The following CGGBP1 variants were observed in gnomAD, a reference collection of about 807,000 sequenced individuals.
CGGBP1 encodes CGG triplet repeat binding protein 1.
CGGBP1 carries 4 observed loss-of-function variants against 11.4 expected under a neutral mutation model. That is an observed-to-expected ratio of 0.35 (90% CI 0.17 to 0.80). The LOEUF (loss-of-function observed/expected upper bound fraction) is 0.80. Ranked by LOEUF, CGGBP1 falls within the 30% of genes least tolerant of loss-of-function variation. The probability of loss-of-function intolerance (pLI) is 0.52; values close to 1 mark genes in which losing one functional copy is unlikely to be tolerated. For synonymous variants in CGGBP1, 76 were observed against 74.1 expected, an observed-to-expected ratio of 1.03 and a Z score of -0.13; for missense variants, 135 against 202.1, an observed-to-expected ratio of 0.67 and a Z score of 2.01.
chr3:88,072,096 G>A (rs1263055122), intron 2 of CGGBP1, among the ~76,000 whole-genome samples: 1 of 152,062 alleles, frequency 6.6e-6, no homozygotes, highest in African/African-American at 2.4e-5. Context: ...AAAATAATAG[G>A]TACTGTGTGA....
chr3:88,091,239 C>T (rs1056220709), intron 2 of CGGBP1, among the ~76,000 whole-genome samples: 1 of 152,162 alleles, frequency 6.6e-6, no homozygotes, highest in African/African-American at 2.4e-5. Context: ...ATCAGAACCA[C>T]AGAAGTGTTG....
chr3:88,133,864 T>G (rs1706609291), intron 2 of CGGBP1, among the ~76,000 whole-genome samples: 1 of 152,118 alleles, frequency 6.6e-6, no homozygotes, highest in Non-Finnish European at 1.5e-5. Flanking sequence ...ACTTGAAATG[T>G]AAAGACACTG....
Position 88,052,189 on chromosome 3 carries a change from T to C in CGGBP1, c.*3284A>G, listed in dbSNP as rs144720743. 9.6e-3 allele frequency: 1,460 copies of C among 152,670 alleles called. 9 individuals carry two copies. Among genetic ancestry groups the C allele is most frequent in the Middle Eastern group, 0.017 (5 of 294 alleles). The allele number at this position is 152,670 out of a possible 1,614,324, so 9.5% of individuals were successfully genotyped here. A position where few individuals can be genotyped will look rare whatever the true frequency, so the allele number is the denominator to read the frequency against. On this transcript the variant is annotated 3_prime_UTR_variant, in exon 4 of 4. Coordinates refer to ENST00000482016, the MANE Select transcript of CGGBP1 (RefSeq NM_001008390.2). ...CAAGTAGAATACCACTAGATAAGAA[T>C]TGTATTTACCTAAGAAATCTATGAT...
chr3:88,116,291 C>T (rs1484964684), intron 2 of CGGBP1, among the ~76,000 whole-genome samples: 3 of 152,090 alleles, frequency 2.0e-5, no homozygotes, highest in African/African-American at 7.2e-5. Context: ...GAGGCCGAGG[C>T]GGGCAGATCA....
rs67079285 is a variant in CGGBP1 at position 88,070,563 on chromosome 3, GTTTTTTTTTTTT to G, written c.-228-12352_-228-12341del. Reference sequence around the variant, plus strand: ...CACTGTGGCAAAGGCAACACTGCCTGTTTTTTTTTTTTTTTTTTTTTTTTTTGCAGATCATAT... The same window carrying G: ...CACTGTGGCAAAGGCAACACTGCCTGTTTTTTTTTTTTTTGCAGATCATAT... On this transcript the variant is annotated intron_variant, in intron 2 of 3. Transcript: ENST00000462901. Among the ~76,000 whole-genome samples the G allele has an allele frequency of 9.9e-4, 110 of 111,292 alleles. 1 individual carries two copies. The highest frequency in any genetic ancestry group is 1.4e-3 in the Non-Finnish European group (77 of 56,656). 73.0% of individuals were successfully genotyped at this position (111,292 alleles called of 152,430 possible).
At position 88,053,233 on chromosome 3, in the gene CGGBP1, G is replaced by C. The variant is rs1310997219; in HGVS notation, c.*2240C>G. 4 of 152,064 alleles carry C rather than the reference G, an allele frequency of 2.6e-5. No homozygotes were observed. Among genetic ancestry groups the C allele is most frequent in the Admixed American group, 6.6e-5 (1 of 15,264 alleles). The allele number at this position is 152,064 out of a possible 1,614,324, so 9.4% of individuals were successfully genotyped here. ...TCGAGCAGGCTAAAACAATCATTCT[G>C]CTGTATTTATTTAACTTTAGACACA... On this transcript the variant is annotated 3_prime_UTR_variant, in exon 4 of 4. Coordinates refer to ENST00000482016, the MANE Select transcript of CGGBP1 (RefSeq NM_001008390.2).
intron 2 of CGGBP1, among the ~76,000 whole-genome samples, chr3:88,074,281 G>T (rs574289570): frequency 1.3e-5 from 2 of 152,074 alleles, no homozygotes; most frequent in East Asian, 1.9e-4. Context: ...CTCTGATTGG[G>T]AGTGGCTTCT....
chr3:88,060,804 A>G (rs764861162), upstream of CGGBP1, among the ~76,000 whole-genome samples: 18 of 152,052 alleles, frequency 1.2e-4, no homozygotes, highest in Admixed American at 9.2e-4. Flanking sequence ...ATTTCTTTCA[A>G]TGCTTGTAAG....
chr3:88,083,255 T>TACA (rs1708174147), intron 2 of CGGBP1, among the ~76,000 whole-genome samples: 1 of 152,202 alleles, frequency 6.6e-6, no homozygotes. Flanking sequence ...GATGATATAT[T>TACA]TTAGTGTTCC....
chr3:88,124,320 T>C (rs1170805172), intron 2 of CGGBP1, among the ~76,000 whole-genome samples: 2 of 152,200 alleles, frequency 1.3e-5, no homozygotes, highest in East Asian at 3.8e-4. Flanking sequence ...CCATTGTTGG[T>C]AGGATTTTTG....
At chr3:88,137,701 A>G (rs1392597883) in intron 2 of CGGBP1, among the ~76,000 whole-genome samples, 1 of 152,188 alleles carries the variant, frequency 6.6e-6, no homozygotes, top group Non-Finnish European at 1.5e-5. Context: ...TTCTCAAAGA[A>G]TGAATAGGAG....
intron 2 of CGGBP1, among the ~76,000 whole-genome samples, chr3:88,109,361 A>C (rs942098010): frequency 5.9e-5 from 9 of 152,170 alleles, no homozygotes; most frequent in African/African-American, 2.2e-4. Context: ...GTTAGTATAT[A>C]TAGAAAGAGT....
rs559574706 is a variant in CGGBP1, at chr3:88,086,907, C to T, written c.-228-28684G>A. On this transcript the variant is annotated intron_variant, in intron 2 of 3. Coordinates refer to the CGGBP1 transcript ENST00000462901. Reference sequence around the variant, plus strand: ...ACGCCATTCTCCTGCCTCAGCCTCCCAAGTAGCTGGGACTACAGGCGCCCG... The same window carrying T: ...ACGCCATTCTCCTGCCTCAGCCTCCTAAGTAGCTGGGACTACAGGCGCCCG... Among the ~76,000 whole-genome samples the T allele has an allele frequency of 3.9e-5, 6 of 152,112 alleles. No homozygotes were observed. In the South Asian group the frequency reaches 1.2e-3, roughly 32 times the overall value.
chr3:88,121,485 T>C (rs1576321784), intron 2 of CGGBP1, among the ~76,000 whole-genome samples: 1 of 152,292 alleles, frequency 6.6e-6, no homozygotes, highest in Non-Finnish European at 1.5e-5. Flanking sequence ...TTCATTGTTA[T>C]AACTGTCCCC....
chr3:88,073,544 A>G (rs1275794474), intron 2 of CGGBP1, among the ~76,000 whole-genome samples: 1 of 152,254 alleles, frequency 6.6e-6, no homozygotes. Flanking sequence ...AACAATTTCA[A>G]GGAATATTAT....
At chr3:88,145,050 GCTT>G (rs1409370799) in intron 1 of CGGBP1, among the ~76,000 whole-genome samples, 1 of 126,656 alleles carries the variant, frequency 7.9e-6, no homozygotes, top group African/African-American at 2.7e-5. Flanking sequence ...AAAATGAAGA[GCTT>G]CTGGTGGAAC....
chr3:88,109,284 C>A (rs1704944454), intron 2 of CGGBP1, among the ~76,000 whole-genome samples: 1 of 151,934 alleles, frequency 6.6e-6, no homozygotes, highest in African/African-American at 2.4e-5. Context: ...CAACGTTACC[C>A]ACAATCAAAT....
In CGGBP1 at chr3:88,052,379, G is replaced by T. The variant is rs1400221900; in HGVS notation, c.*3094C>A. On this transcript the variant is annotated 3_prime_UTR_variant, in exon 4 of 4. Transcript: ENST00000482016. ...AAATGAACATGTTTTAAGGTGATTT[G>T]TCCTCATTTAACGGTAGCTGGGGTA... 3 of 152,516 alleles carry T rather than the reference G, an allele frequency of 2.0e-5. No individual in the cohort carries two copies. The highest frequency in any genetic ancestry group is 7.2e-5 in the African/African-American group (3 of 41,424). The allele number at this position is 152,516 out of a possible 1,614,324, so 9.4% of individuals were successfully genotyped here. A position where few individuals can be genotyped will look rare whatever the true frequency, so the allele number is the denominator to read the frequency against.
At chr3:88,073,129 C>T (rs1226326031) in intron 2 of CGGBP1, among the ~76,000 whole-genome samples, 2 of 150,352 alleles carry the variant, frequency 1.3e-5, no homozygotes, top group Non-Finnish European at 3.0e-5. Context: ...GTGTGGATCT[C>T]CAGACCAACA....
Sources: gnomAD v4.1 joint callset for allele counts (sites outside exome capture counted in the v4.1 genomes callset) on GRCh38, gnomAD v4.1.1 for gene constraint, MANE v1.5 for transcripts, NCBI Gene and HGNC (gene_info 2026-07-23, HGNC 2026-07-21) for gene names.